Variants in RAD51B observed in about 807,000 individuals in gnomAD.
RAD51B encodes the protein DNA repair protein RAD51 homolog 2.
Under a neutral mutation model 42.2 loss-of-function variants are expected in RAD51B, and 38 were observed. That is an observed-to-expected ratio of 0.90 (90% CI 0.70 to 1.18). The LOEUF (loss-of-function observed/expected upper bound fraction) is 1.18, where lower values mean the gene tolerates loss of function less well. Among genes scored for constraint, RAD51B ranks in the 50% most tolerant of loss-of-function variants. The probability of loss-of-function intolerance (pLI) is 0.00; values close to 1 mark genes in which losing one functional copy is unlikely to be tolerated. For missense variants in RAD51B, 373 were observed against 400.7 expected (o/e 0.93, Z 0.59); for synonymous variants, 154 against 145.2 (o/e 1.06, Z -0.43).
At chr14:68,237,891 C>T (rs559442112) in intron 7 of RAD51B, among the ~76,000 whole-genome samples, 48 of 152,074 alleles carry the variant, frequency 3.2e-4, no homozygotes, top group African/African-American at 2.2e-4. Flanking sequence ...TGCACCACCA[C>T]GCCCAGCTGA....
intron 7 of RAD51B, among the ~76,000 whole-genome samples, chr14:68,075,229 A>G (rs967226522): frequency 5.3e-5 from 8 of 152,184 alleles, no homozygotes; most frequent in African/African-American, 1.7e-4. Context: ...AGAGATTCAC[A>G]GGGAAGAAAG....
intron 4 of RAD51B, among the ~76,000 whole-genome samples, chr14:67,845,127 A>G (rs1344356357): frequency 6.6e-6 from 1 of 152,096 alleles, no homozygotes; most frequent in Admixed American, 6.6e-5. Context: ...TGACATGTGG[A>G]TTTGATATTG....
chr14:68,011,124 G>T (rs1448945645), intron 7 of RAD51B, among the ~76,000 whole-genome samples: 1 of 151,910 alleles, frequency 6.6e-6, no homozygotes, highest in Non-Finnish European at 1.5e-5. Context: ...GATTGGATTG[G>T]TTTTCTGATG....
rs1392472066 is a variant in RAD51B, at chr14:68,565,028, A to T, written c.1037-29457A>T. Among the ~76,000 whole-genome samples, 1 of 152,232 alleles carries T rather than the reference A, an allele frequency of 6.6e-6. No individual in the cohort carries two copies. Among genetic ancestry groups the T allele is most frequent in the Non-Finnish European group, 1.5e-5 (1 of 68,044 alleles). ...CATAGGTGAAAGACAATTTCCGATT[A>T]TTGTTTTCAAACATTCTACATCCAG... is the stretch of plus-strand genomic sequence containing the variant. On this transcript the variant is annotated intron_variant, in intron 10 of 10. Transcript: ENST00000487270. The surrounding 1 kb of genome is among the most constrained non-coding windows in gnomAD (Gnocchi z 4.1).
intron 10 of RAD51B, among the ~76,000 whole-genome samples, chr14:68,515,971 G>C (rs1426473982): frequency 6.6e-6 from 1 of 151,724 alleles, no homozygotes; most frequent in Non-Finnish European, 1.5e-5. Flanking sequence ...ATTTTTAGTA[G>C]AGACGGGGTT....
downstream of RAD51B, among the ~76,000 whole-genome samples, chr14:68,479,159 A>G (rs1219891211): frequency 6.6e-6 from 1 of 152,214 alleles, no homozygotes; most frequent in Non-Finnish European, 1.5e-5. Flanking sequence ...AGTGAGGTAC[A>G]TTTTGAGAAC....
At chr14:68,046,557 G>A (rs1201032445) in intron 7 of RAD51B, among the ~76,000 whole-genome samples, 1 of 152,186 alleles carries the variant, frequency 6.6e-6, no homozygotes, top group African/African-American at 2.4e-5. Flanking sequence ...TGGGCAACAT[G>A]GTGAAACCCT....
intron 7 of RAD51B, among the ~76,000 whole-genome samples, chr14:68,116,505 T>A (rs190718256): frequency 5.3e-5 from 8 of 152,118 alleles, no homozygotes; most frequent in Admixed American, 3.9e-4. Context: ...AGATATAAAA[T>A]TTTTTTTCAG....
chr14:68,494,992 A>T (rs142283432), intron 10 of RAD51B, among the ~76,000 whole-genome samples: 1 of 152,300 alleles, frequency 6.6e-6, no homozygotes, highest in African/African-American at 2.4e-5. Flanking sequence ...TCTGCCCTAC[A>T]AGGCATAGTG....
In RAD51B at chr14:68,595,672, C is replaced by A. The variant is rs1455619640; in HGVS notation, c.*1069C>A. On this transcript the variant is annotated 3_prime_UTR_variant, in exon 11 of 11. Coordinates refer to the RAD51B transcript ENST00000487270. Reference sequence around the variant, plus strand: ...AAAAAAATAGACACAACTAAATGTTCGACCATATGGTATTGGTTAAATTAA... The same window carrying A: ...AAAAAAATAGACACAACTAAATGTTAGACCATATGGTATTGGTTAAATTAA... 9.2e-6 allele frequency: 9 copies of A among 976,962 alleles called. No individual in the cohort carries two copies. The South Asian group carries it at 3.0e-4, about 32-fold the overall frequency. The allele number at this position is 976,962 out of a possible 1,614,324, so 60.5% of individuals were successfully genotyped here. A position where few individuals can be genotyped will look rare whatever the true frequency, so the allele number is the denominator to read the frequency against.
chr14:68,446,112 T>G (rs750434324), intron 9 of RAD51B, among the ~76,000 whole-genome samples: 14 of 152,218 alleles, frequency 9.2e-5, no homozygotes, highest in Non-Finnish European at 1.6e-4. Flanking sequence ...TCGGCTGCCA[T>G]TTTTATGCCA....
At chr14:68,187,046 C>T (rs1291938782) in intron 7 of RAD51B, among the ~76,000 whole-genome samples, 1 of 151,860 alleles carries the variant, frequency 6.6e-6, no homozygotes, top group African/African-American at 2.4e-5. Context: ...GAAGTCATGT[C>T]CTTTGCAGCA....
At chr14:68,212,358 T>C (rs2079728451) in intron 7 of RAD51B, among the ~76,000 whole-genome samples, 1 of 152,204 alleles carries the variant, frequency 6.6e-6, no homozygotes, top group East Asian at 1.9e-4. Context: ...GAGGGCTGTT[T>C]TGAGAATTAA....
chr14:68,594,235 C>A (rs868565693), intron 10 of RAD51B, among the ~76,000 whole-genome samples: 1 of 151,538 alleles, frequency 6.6e-6, no homozygotes, highest in Non-Finnish European at 1.5e-5. Context: ...GTGAGTGAGG[C>A]GGTGGGGGAG....
chr14:68,023,346 C>CT (rs374110445), intron 7 of RAD51B, among the ~76,000 whole-genome samples: 7 of 151,506 alleles, frequency 4.6e-5, no homozygotes, highest in African/African-American at 1.4e-4. Flanking sequence ...GGTATGTCTT[C>CT]TTTTTTTTTG....
intron 8 of RAD51B, among the ~76,000 whole-genome samples, chr14:68,388,847 A>G (rs1226008951): frequency 1.3e-5 from 2 of 152,184 alleles, no homozygotes; most frequent in Non-Finnish European, 2.9e-5. Context: ...TAGTGAGTCT[A>G]AGTTGAATGA....
At chr14:68,589,157 C>A (rs1171302235) in intron 10 of RAD51B, among the ~76,000 whole-genome samples, 1 of 152,156 alleles carries the variant, frequency 6.6e-6, no homozygotes, top group Non-Finnish European at 1.5e-5. Context: ...GATTAAGTAA[C>A]GTGATACTTA....
At chr14:67,902,242 C>A (rs998680425) in intron 7 of RAD51B, among the ~76,000 whole-genome samples, 1 of 151,618 alleles carries the variant, frequency 6.6e-6, no homozygotes, top group Admixed American at 6.6e-5. Flanking sequence ...AATATATTTC[C>A]GATTACTAAA....
intron 7 of RAD51B, among the ~76,000 whole-genome samples, chr14:67,962,297 G>C (rs765694814): frequency 1.3e-5 from 2 of 152,248 alleles, no homozygotes; most frequent in Non-Finnish European, 2.9e-5. Flanking sequence ...TTGGAGAAGT[G>C]ATATAGCAAA....
Sources: gnomAD v4.1 joint callset for allele counts (sites outside exome capture counted in the v4.1 genomes callset) on GRCh38, gnomAD v4.1.1 for gene constraint, Gnocchi (gnomAD v3.1) non-coding constraint, MANE v1.5 for transcripts, NCBI Gene and HGNC (gene_info 2026-07-23, HGNC 2026-07-21) for gene names.